The following GALNT18 variants were observed in gnomAD, a reference collection of about 807,000 sequenced individuals.
The protein encoded by GALNT18 is GalNAc-transferase 18.
A neutral mutation model predicts 69.5 loss-of-function variants in GALNT18; 44 were observed. The ratio of observed to expected loss-of-function variants is 0.63; its 90% CI spans 0.50 to 0.81. GALNT18 has a LOEUF of 0.81. Among genes scored for constraint, GALNT18 ranks in the 40% least tolerant of loss-of-function variants. The pLI, the probability that GALNT18 is intolerant of heterozygous loss-of-function variation, is 0.00. For missense variants in GALNT18, 715 were observed against 810.0 expected (o/e 0.88, Z 1.42); for synonymous variants, 364 against 318.2 (o/e 1.14, Z -1.53).
chr11:11,530,918 G>A (rs1422080130), intron 1 of GALNT18, among the ~76,000 whole-genome samples: 1 of 152,204 alleles, frequency 6.6e-6, no homozygotes, highest in African/African-American at 2.4e-5. Context: ...GGTCAAGTGG[G>A]AGAGAGTCTA....
intron 1 of GALNT18, among the ~76,000 whole-genome samples, chr11:11,450,322 CTGGA>C (rs146817791): frequency 0.012 from 1,844 of 152,298 alleles, 41 homozygotes; most frequent in African/African-American, 0.042. Flanking sequence ...GTCTTCAAGG[CTGGA>C]GTGCTGGGGC....
chr11:11,509,042 G>A (rs143210248), intron 1 of GALNT18, among the ~76,000 whole-genome samples: 16 of 151,828 alleles, frequency 1.1e-4, no homozygotes, highest in African/African-American at 2.7e-4. Context: ...CCTACCTCTC[G>A]GACCAAACTG....
Position 11,352,449 on chromosome 11 carries a change from C to A in GALNT18, c.1093-11445G>T, listed in dbSNP as rs779282650. 8 of 1,614,174 alleles carry A rather than the reference C, an allele frequency of 5.0e-6. No individual in the cohort carries two copies. The Admixed American group carries it at 1.3e-4, about 27-fold the overall frequency. ...AAATGGCTCCTTCCGAAAGATCATA[C>A]TTGCCAGCATACAACCCAATCTCCA... On this transcript the variant is annotated intron_variant, in intron 6 of 10. Coordinates refer to ENST00000227756, the MANE Select transcript of GALNT18 (RefSeq NM_198516.3).
chr11:11,478,534 G>A (rs547978733), intron 1 of GALNT18, among the ~76,000 whole-genome samples: 1 of 152,262 alleles, frequency 6.6e-6, no homozygotes. Flanking sequence ...TGAGCAAACA[G>A]CCCAGATGCA....
chr11:11,441,867 G>A (rs1038575455), intron 2 of GALNT18, among the ~76,000 whole-genome samples: 16 of 152,262 alleles, frequency 1.1e-4, no homozygotes, highest in African/African-American at 3.1e-4. Context: ...TTATTGTTAT[G>A]AACTTTAGTA....
At position 11,396,954 on chromosome 11, in the gene GALNT18, G is replaced by A. The variant is rs563808441; in HGVS notation, c.596-17690C>T. 2.6e-4 allele frequency among the ~76,000 whole-genome samples: 40 copies of A among 152,238 alleles called. No homozygotes were observed. Among genetic ancestry groups the A allele is most frequent in the Middle Eastern group, 3.4e-3 (1 of 294 alleles). ...ATGATGCCATAGTTCTCTCCCCTGTGCATCTTGGGGGTCTCTGGGAGTCAG... is the reference window on the plus strand; with the variant it reads ...ATGATGCCATAGTTCTCTCCCCTGTACATCTTGGGGGTCTCTGGGAGTCAG... On this transcript the variant is annotated intron_variant, in intron 3 of 10. Coordinates refer to ENST00000227756, the MANE Select transcript of GALNT18 (RefSeq NM_198516.3). This position sits in a 1 kb window ranked among gnomAD's most constrained non-coding sequence, Gnocchi z 5.2.
At chr11:11,550,698 G>A (rs1226414392) in intron 1 of GALNT18, among the ~76,000 whole-genome samples, 1 of 152,198 alleles carries the variant, frequency 6.6e-6, no homozygotes, top group East Asian at 1.9e-4. Context: ...AGAACTTTCC[G>A]CAATGGAAAT....
intron 3 of GALNT18, among the ~76,000 whole-genome samples, chr11:11,392,625 G>T (rs938968592): frequency 6.6e-6 from 1 of 151,600 alleles, no homozygotes; most frequent in Admixed American, 6.6e-5. Flanking sequence ...TTCTCAAAAA[G>T]AAAAAAGAAA....
At chr11:11,559,219 A>G (rs991861502) in intron 1 of GALNT18, among the ~76,000 whole-genome samples, 77 of 152,206 alleles carry the variant, frequency 5.1e-4, no homozygotes, top group African/African-American at 1.8e-3. Flanking sequence ...TGAAAATTCA[A>G]TCCAATAGTC....
chr11:11,303,037 T>A (rs1849524138), intron 9 of GALNT18, among the ~76,000 whole-genome samples: 1 of 152,294 alleles, frequency 6.6e-6, no homozygotes, highest in South Asian at 2.1e-4. Context: ...GTGTCAGCCC[T>A]GTTTGTGGCT....
At chr11:11,544,674 G>A (rs112470443) in intron 1 of GALNT18, among the ~76,000 whole-genome samples, 34 of 152,224 alleles carry the variant, frequency 2.2e-4, no homozygotes, top group East Asian at 1.9e-3. Context: ...TTTAAGCCTC[G>A]CATGCATTAG....
chr11:11,368,658 T>C (rs963068359), intron 6 of GALNT18, among the ~76,000 whole-genome samples: 4 of 152,226 alleles, frequency 2.6e-5, no homozygotes, highest in Non-Finnish European at 2.9e-5. Flanking sequence ...TTGTCTTTCT[T>C]ACATTTTTCA....
intron 9 of GALNT18, among the ~76,000 whole-genome samples, chr11:11,323,691 G>A (rs1428066136): frequency 1.3e-5 from 2 of 152,202 alleles, no homozygotes; most frequent in East Asian, 1.9e-4. Flanking sequence ...ATAGCTCTAT[G>A]GTCCCTATGG....
Position 11,421,608 on chromosome 11 carries a change from C to G in GALNT18, c.595+11013G>C, listed in dbSNP as rs11021847. Among the ~76,000 whole-genome samples, 70,909 of 152,018 alleles carry G rather than the reference C, an allele frequency of 0.47. 19,951 individuals are homozygous for G. The highest frequency in any genetic ancestry group is 0.65 in the Non-Finnish European group (44,134 of 67,964). Reference sequence around the variant, plus strand: ...TGACAGGAAACAGAGGCAGGCCAAACGCAGGACCAATGCAGAGAAGGTTGG... The same window carrying G: ...TGACAGGAAACAGAGGCAGGCCAAAGGCAGGACCAATGCAGAGAAGGTTGG... On this transcript the variant is annotated intron_variant, in intron 3 of 10. Transcript: ENST00000227756. This position sits in a 1 kb window ranked among gnomAD's most constrained non-coding sequence, Gnocchi z 5.6.
chr11:11,503,145 C>T (rs1429783554), intron 1 of GALNT18, among the ~76,000 whole-genome samples: 1 of 152,120 alleles, frequency 6.6e-6, no homozygotes. Flanking sequence ...GATTTTAGTA[C>T]AAAGAATCGT....
At position 11,435,839 on chromosome 11, in the gene GALNT18, C is replaced by T. The variant is rs769762646; in HGVS notation, c.429-3052G>A. Among the ~76,000 whole-genome samples the T allele has an allele frequency of 6.6e-6, 1 of 152,198 alleles. No homozygotes were observed. The highest frequency in any genetic ancestry group is 1.5e-5 in the Non-Finnish European group (1 of 68,036). ...TGTTCTCCCATCCTCCCTCCTCTTG[C>T]GTGAATGGCCCCAATTCCTCACATT... is the stretch of plus-strand genomic sequence containing the variant. On this transcript the variant is annotated intron_variant, in intron 2 of 10. Coordinates refer to ENST00000227756, the MANE Select transcript of GALNT18 (RefSeq NM_198516.3). The surrounding 1 kb of genome is among the most constrained non-coding windows in gnomAD (Gnocchi z 4.4).
chr11:11,282,376 C>A (rs1849098764), intron 10 of GALNT18, among the ~76,000 whole-genome samples: 1 of 152,184 alleles, frequency 6.6e-6, no homozygotes. Flanking sequence ...TAGTACTATG[C>A]CAAATACTTT....
chr11:11,415,750 C>T lies in GALNT18; in HGVS notation c.595+16871G>A, dbSNP rs1854840453. ...GCGTCTTCCCACCCATGCATCCATG[C>T]ATCCATCCACCCATCTCATTTGCAA... On this transcript the variant is annotated intron_variant, in intron 3 of 10. Transcript: ENST00000227756. The surrounding 1 kb of genome is among the most constrained non-coding windows in gnomAD (Gnocchi z 4.1). Among the ~76,000 whole-genome samples, 1 of 152,196 alleles carries T rather than the reference C, an allele frequency of 6.6e-6. No individual in the cohort carries two copies. The highest frequency in any genetic ancestry group is 2.4e-5 in the African/African-American group (1 of 41,458).
intron 10 of GALNT18, among the ~76,000 whole-genome samples, chr11:11,287,646 TTTATCATCCCAGTAGGTA>T (rs757569348): frequency 2.0e-5 from 3 of 152,198 alleles, no homozygotes; most frequent in Non-Finnish European, 2.9e-5. Flanking sequence ...TGCATATGAA[TTTATCATCCCAGTAGGTA>T]GGTAGTTTTA....
Sources: gnomAD v4.1 joint callset for allele counts (sites outside exome capture counted in the v4.1 genomes callset) on GRCh38, gnomAD v4.1.1 for gene constraint, Gnocchi (gnomAD v3.1) non-coding constraint, MANE v1.5 for transcripts, NCBI Gene and HGNC (gene_info 2026-07-23, HGNC 2026-07-21) for gene names.